The following DIAPH2 variants were observed in gnomAD, a reference collection of about 807,000 sequenced individuals.
The protein encoded by DIAPH2 is diaphanous related formin 2.
A neutral mutation model predicts 92.7 loss-of-function variants in DIAPH2; 35 were observed. That is an observed-to-expected ratio of 0.38 (90% CI 0.29 to 0.50). DIAPH2 has a LOEUF of 0.50. Ranked by LOEUF, DIAPH2 falls within the 20% of genes least tolerant of loss-of-function variation. The pLI is 0.94. For missense variants in DIAPH2, 701 were observed against 819.5 expected, an observed-to-expected ratio of 0.86 and a Z score of 1.77; for synonymous variants, 301 against 280.4, an observed-to-expected ratio of 1.07 and a Z score of -0.73.
chrX:96,777,374 A>G (rs1175934802), intron 4 of DIAPH2, among the ~76,000 whole-genome samples: 2 of 112,029 alleles, frequency 1.8e-5, no homozygotes, highest in Admixed American at 9.5e-5. Flanking sequence ...ATTAGTAATT[A>G]TAATGATACA....
intron 22 of DIAPH2, among the ~76,000 whole-genome samples, chrX:97,205,746 C>T (rs924656243): frequency 9.0e-6 from 1 of 111,260 alleles, no homozygotes; most frequent in Non-Finnish European, 1.9e-5. Context: ...GACAGTGTGG[C>T]GATTCCTCAA....
At chrX:97,075,919 T>A (rs1021206234) in intron 19 of DIAPH2, among the ~76,000 whole-genome samples, 3 of 112,382 alleles carry the variant, frequency 2.7e-5, no homozygotes, top group Non-Finnish European at 5.6e-5. Context: ...AAACAATGTC[T>A]GTCTTGACTC....
At chrX:96,925,202 C>T (rs1161424538) in intron 9 of DIAPH2, among the ~76,000 whole-genome samples, 1 of 110,721 alleles carries the variant, frequency 9.0e-6, no homozygotes, top group African/African-American at 3.3e-5. Context: ...TGCCTCCTGA[C>T]TAGATTTCAA....
chrX:97,417,428 A>G (rs966085404), intron 25 of DIAPH2, among the ~76,000 whole-genome samples: 4 of 110,558 alleles, frequency 3.6e-5, no homozygotes, highest in African/African-American at 1.3e-4. Flanking sequence ...GATTTATTGT[A>G]CTTTAAAAAT....
At chrX:97,006,188 A>G (rs895989156) in intron 17 of DIAPH2, among the ~76,000 whole-genome samples, 6 of 111,609 alleles carry the variant, frequency 5.4e-5, no homozygotes, top group Admixed American at 9.5e-5. Flanking sequence ...TTAACGTTTT[A>G]AGACGTGTTT....
At chrX:96,973,790 G>GGTTCAAGT (rs1258935340) in intron 17 of DIAPH2, among the ~76,000 whole-genome samples, 1 of 105,470 alleles carries the variant, frequency 9.5e-6, no homozygotes, top group Non-Finnish European at 1.9e-5. Flanking sequence ...CCACCTCACG[G>GGTTCAAGT]GTTCAAGTGA....
At chrX:96,921,475 A>G (rs144581251) in intron 9 of DIAPH2, among the ~76,000 whole-genome samples, 4,320 of 111,286 alleles carry the variant, frequency 0.039, 105 homozygotes, top group Middle Eastern at 0.083. Context: ...TTTAAAGTCC[A>G]TGCCTCTAGA....
intron 26 of DIAPH2, chrX:97,431,558 A>G (rs2070127258): frequency 8.9e-6 from 1 of 112,522 alleles, no homozygotes; most frequent in African/African-American, 3.2e-5. Flanking sequence ...CACAAACTGC[A>G]TAATTTTATA....
intron 26 of DIAPH2, among the ~76,000 whole-genome samples, chrX:97,497,085 A>T (rs2070764336): frequency 1.8e-5 from 2 of 110,566 alleles, no homozygotes; most frequent in African/African-American, 6.6e-5. Context: ...GATAAGTGGA[A>T]ATATTGTTAG....
intron 4 of DIAPH2, among the ~76,000 whole-genome samples, chrX:96,803,583 C>G (rs929131937): frequency 7.1e-5 from 8 of 112,285 alleles, no homozygotes; most frequent in African/African-American, 2.6e-4. Flanking sequence ...GAAAGAATAC[C>G]TAAGCCCTAG....
intron 22 of DIAPH2, among the ~76,000 whole-genome samples, chrX:97,188,329 G>A (rs1189228375): frequency 9.0e-6 from 1 of 111,299 alleles, no homozygotes; most frequent in Non-Finnish European, 1.9e-5. Context: ...TAAGTTTGGT[G>A]GTGACATAGT....
intron 26 of DIAPH2, among the ~76,000 whole-genome samples, chrX:97,478,409 TG>T (rs1776979102): frequency 8.9e-6 from 1 of 112,114 alleles, no homozygotes; most frequent in Admixed American, 9.5e-5. Context: ...ACATGTTACT[TG>T]GTTTCTTTGA....
intron 17 of DIAPH2, among the ~76,000 whole-genome samples, chrX:96,990,301 G>A (rs1223633430): frequency 8.9e-6 from 1 of 112,356 alleles, no homozygotes; most frequent in Non-Finnish European, 1.9e-5. Flanking sequence ...GTTATTCATT[G>A]CACAAGGGTG....
At chrX:96,963,833 T>C (rs1200015940) in intron 16 of DIAPH2, among the ~76,000 whole-genome samples, 1 of 111,839 alleles carries the variant, frequency 8.9e-6, no homozygotes, top group Admixed American at 9.5e-5. Flanking sequence ...TCCCCATTTT[T>C]CTTGAATAAA....
At chrX:96,772,020 C>G (rs1420459195) in intron 4 of DIAPH2, among the ~76,000 whole-genome samples, 1 of 109,419 alleles carries the variant, frequency 9.1e-6, no homozygotes, top group Non-Finnish European at 1.9e-5. Context: ...CTGGGTGACA[C>G]AGTTGAGACC....
chrX:97,043,477 G>C (rs1281261093), intron 17 of DIAPH2, among the ~76,000 whole-genome samples: 1 of 110,560 alleles, frequency 9.0e-6, no homozygotes, highest in Non-Finnish European at 1.9e-5. Context: ...GTTTTTGTCT[G>C]TTGGGGAAGT....
intron 1 of DIAPH2, among the ~76,000 whole-genome samples, chrX:96,688,126 A>G (rs916417709): frequency 8.9e-6 from 1 of 111,992 alleles, no homozygotes; most frequent in East Asian, 2.8e-4. Flanking sequence ...AGAGAGGCCA[A>G]TGTTGATGCA....
chrX:97,097,063 G>T (rs778904994), intron 19 of DIAPH2, among the ~76,000 whole-genome samples: 13 of 111,139 alleles, frequency 1.2e-4, no homozygotes, highest in African/African-American at 4.2e-4. Context: ...AGGTGAAGTG[G>T]AGGTAAATGA....
At chrX:96,825,892 C>T (rs1412989974) in intron 4 of DIAPH2, among the ~76,000 whole-genome samples, 1 of 111,401 alleles carries the variant, frequency 9.0e-6, no homozygotes, top group Non-Finnish European at 1.9e-5. Flanking sequence ...TCTCTACATC[C>T]TATCTCTGAA....
Sources: gnomAD v4.1 joint callset for allele counts (sites outside exome capture counted in the v4.1 genomes callset) on GRCh38, gnomAD v4.1.1 for gene constraint, MANE v1.5 for transcripts, NCBI Gene and HGNC (gene_info 2026-07-23, HGNC 2026-07-21) for gene names.